Variants in TRIM2 observed in about 807,000 individuals in gnomAD.
The protein encoded by TRIM2 is tripartite motif containing 2, also known as tripartite motif-containing protein 2.
In TRIM2, 20 loss-of-function variants were observed where a neutral mutation model predicts 75.2. The observed-to-expected ratio is 0.27, with a 90% CI of 0.19 to 0.39. TRIM2 has a LOEUF of 0.39. Among genes scored for constraint, TRIM2 ranks in the 10% least tolerant of loss-of-function variants. TRIM2 has a pLI of 1.00. For synonymous variants in TRIM2, 373 were observed against 388.3 expected, an observed-to-expected ratio of 0.96 and a Z score of 0.46; for missense variants, 660 against 990.8, an observed-to-expected ratio of 0.67 and a Z score of 4.48.
chr4:153,244,352 TTCC>T (rs1560874237), intron 1 of TRIM2, among the ~76,000 whole-genome samples: 2,053 of 32,812 alleles, frequency 0.063, 306 homozygotes, highest in African/African-American at 0.14. Flanking sequence ...CTTCTTCTTC[TTCC>T]TCTTCTTCTT....
chr4:153,276,549 T>C (rs1758072342), intron 3 of TRIM2, among the ~76,000 whole-genome samples: 1 of 152,252 alleles, frequency 6.6e-6, no homozygotes, highest in Non-Finnish European at 1.5e-5. Flanking sequence ...TTATTCCTTA[T>C]TAATAGATAG....
At chr4:153,233,522 C>T (rs1404013792) in intron 1 of TRIM2, among the ~76,000 whole-genome samples, 1 of 152,134 alleles carries the variant, frequency 6.6e-6, no homozygotes, top group Non-Finnish European at 1.5e-5. Context: ...CCAATTATAT[C>T]ACCCCCAAAA....
intron 1 of TRIM2, among the ~76,000 whole-genome samples, chr4:153,153,940 C>A (rs1286622876): frequency 6.6e-6 from 1 of 152,170 alleles, no homozygotes; most frequent in Non-Finnish European, 1.5e-5. Context: ...GACCTCAATT[C>A]CCTCCTTTCT....
chr4:153,199,780 C>T (rs752858667), upstream of TRIM2, among the ~76,000 whole-genome samples: 1 of 151,680 alleles, frequency 6.6e-6, no homozygotes, highest in Non-Finnish European at 1.5e-5. Flanking sequence ...TTATTTTTAT[C>T]ATATTTTTTA....
At chr4:153,219,606 C>T (rs1739416051) in intron 1 of TRIM2, among the ~76,000 whole-genome samples, 1 of 152,148 alleles carries the variant, frequency 6.6e-6, no homozygotes, top group Non-Finnish European at 1.5e-5. Context: ...CGGTAGCTTA[C>T]GCCTGTAACT....
At chr4:153,190,166 T>C (rs1280198311) in intron 1 of TRIM2, among the ~76,000 whole-genome samples, 1 of 152,192 alleles carries the variant, frequency 6.6e-6, no homozygotes, top group Non-Finnish European at 1.5e-5. Context: ...AAGCTAGTGA[T>C]TCAAGAATGA....
intron 1 of TRIM2, among the ~76,000 whole-genome samples, chr4:153,228,526 G>C (rs1451996689): frequency 6.6e-6 from 1 of 152,214 alleles, no homozygotes; most frequent in Non-Finnish European, 1.5e-5. Context: ...GGTATCTTTA[G>C]CTTCTCAATC....
intron 1 of TRIM2, among the ~76,000 whole-genome samples, chr4:153,170,339 T>G (rs953988047): frequency 1.3e-5 from 2 of 152,210 alleles, no homozygotes; most frequent in East Asian, 1.9e-4. Context: ...GTTTTTAAAC[T>G]AATCAATATA....
chr4:153,237,400 G>T (rs1360157827), intron 1 of TRIM2, among the ~76,000 whole-genome samples: 2 of 151,946 alleles, frequency 1.3e-5, no homozygotes, highest in Non-Finnish European at 2.9e-5. Flanking sequence ...GAGTCAAGAG[G>T]CCAGGAGCAG....
rs116542755 is a variant in TRIM2 at position 153,324,297 on chromosome 4, C to G, written c.2022+149C>G. 3.5e-4 allele frequency: 202 copies of G among 571,918 alleles called. 1 individual carries two copies. In the African/African-American group the frequency reaches 3.7e-3, roughly 10 times the overall value. 35.4% of individuals were successfully genotyped at this position (571,918 alleles called of 1,614,324 possible). On this transcript the variant is annotated intron_variant, in intron 10 of 11. Coordinates refer to ENST00000338700, the MANE Select transcript of TRIM2 (RefSeq NM_015271.5). ...TTCTGCTCAAAGATGCCGGTTTTAA[C>G]TTGGACTTACAGACCTTGGAAAGTC...
intron 1 of TRIM2, among the ~76,000 whole-genome samples, chr4:153,218,857 G>A (rs1739198483): frequency 6.6e-6 from 1 of 152,034 alleles, no homozygotes; most frequent in Non-Finnish European, 1.5e-5. Flanking sequence ...TCTCCAGGAA[G>A]CCTTTTCTAC....
intron 3 of TRIM2, among the ~76,000 whole-genome samples, chr4:153,280,542 G>T (rs1157437008): frequency 2.0e-5 from 3 of 151,830 alleles, no homozygotes; most frequent in Non-Finnish European, 4.4e-5. Context: ...ATGCTACCAT[G>T]CCTGGCTAAT....
chr4:153,228,402 G>A (rs1003449349), intron 1 of TRIM2, among the ~76,000 whole-genome samples: 5 of 152,196 alleles, frequency 3.3e-5, no homozygotes, highest in Admixed American at 2.0e-4. Context: ...GTAACTCCAG[G>A]GAGAAAAACT....
chr4:153,317,438 G>A (rs560893379), intron 8 of TRIM2, among the ~76,000 whole-genome samples: 21 of 149,960 alleles, frequency 1.4e-4, no homozygotes, highest in Non-Finnish European at 2.8e-4. Context: ...CACAAGGTCA[G>A]GAGATCGAGA....
At chr4:153,309,576 G>C (rs899258733) in intron 6 of TRIM2, 4 of 150,492 alleles carry the variant, frequency 2.7e-5, no homozygotes, top group African/African-American at 4.9e-5. Context: ...ACTTGGCTCA[G>C]TTTCATCTTG....
At chr4:153,179,277 TTTA>T (rs200703743) in intron 1 of TRIM2, among the ~76,000 whole-genome samples, 2,490 of 150,168 alleles carry the variant, frequency 0.017, 73 homozygotes, top group African/African-American at 0.056. Context: ...ATAAAATTAA[TTTA>T]TTAATATTAA....
In TRIM2 at chr4:153,204,517, G is replaced by GT; in HGVS notation, c.-14_-13insT. ...CTAAGTCCCCAGATTGGAGGAGGCT[G>GT]GCTCTGGTCTTCGATGCACAGGAGT... On this transcript the variant is annotated 5_prime_UTR_variant, in exon 1 of 12. Transcript: ENST00000338700. 1 of 1,551,720 alleles carries GT rather than the reference G, an allele frequency of 6.4e-7. No homozygotes were observed. Among genetic ancestry groups the GT allele is most frequent in the Non-Finnish European group, 8.7e-7 (1 of 1,146,994 alleles).
At chr4:153,273,521 C>T (rs1362281311) in intron 2 of TRIM2, among the ~76,000 whole-genome samples, 3 of 148,130 alleles carry the variant, frequency 2.0e-5, no homozygotes, top group Non-Finnish European at 4.4e-5. Flanking sequence ...TCTCGATCTC[C>T]TGCCCTCGTG....
chr4:153,250,527 GT>G (rs1750611917), intron 1 of TRIM2, among the ~76,000 whole-genome samples: 1 of 152,220 alleles, frequency 6.6e-6, no homozygotes, highest in Admixed American at 6.5e-5. Flanking sequence ...AGCATCCTGA[GT>G]TCCATAAGAA....
Sources: gnomAD v4.1 joint callset for allele counts (sites outside exome capture counted in the v4.1 genomes callset) on GRCh38, gnomAD v4.1.1 for gene constraint, MANE v1.5 for transcripts, NCBI Gene and HGNC (gene_info 2026-07-23, HGNC 2026-07-21) for gene names.